Variants in POC1B observed in about 807,000 individuals in gnomAD.
The protein encoded by POC1B is POC1 centriolar protein B, also known as POC1 centriolar protein homolog B.
A neutral mutation model predicts 60.6 loss-of-function variants in POC1B; 44 were observed. The ratio of observed to expected loss-of-function variants is 0.73; its 90% CI spans 0.57 to 0.93. The LOEUF (loss-of-function observed/expected upper bound fraction) is 0.93. Among genes scored for constraint, POC1B ranks in the 40% least tolerant of loss-of-function variants. The pLI is 0.00. For synonymous variants in POC1B, 180 were observed against 198.9 expected, an observed-to-expected ratio of 0.90 and a Z score of 0.80; for missense variants, 555 against 572.3, an observed-to-expected ratio of 0.97 and a Z score of 0.31.
rs192512807 is a variant in POC1B, at chr12:89,523,964, C to G, written c.100+1156G>C. On this transcript the variant is annotated intron_variant, in intron 2 of 11. Coordinates refer to ENST00000313546, the MANE Select transcript of POC1B (RefSeq NM_172240.3). Reference sequence around the variant, plus strand: ...CGCTTATTGGTCCTAATCAAGCGTACTCTATCAAGATTGCTGATGTAAGTT... The same window carrying G: ...CGCTTATTGGTCCTAATCAAGCGTAGTCTATCAAGATTGCTGATGTAAGTT... 2.8e-5 allele frequency: 45 copies of G among 1,613,860 alleles called. 1 individual carries two copies. In the African/African-American group the frequency reaches 5.6e-4, roughly 20 times the overall value.
chr12:89,493,443 TC>T (rs1869085590), intron 3 of POC1B, among the ~76,000 whole-genome samples: 2 of 152,224 alleles, frequency 1.3e-5, no homozygotes, highest in African/African-American at 2.4e-5. Flanking sequence ...GGCTTACCCT[TC>T]CAGTGGTCTG....
chr12:89,465,334 T>C (rs1030732363), intron 9 of POC1B, among the ~76,000 whole-genome samples: 1 of 152,108 alleles, frequency 6.6e-6, no homozygotes, highest in Non-Finnish European at 1.5e-5. Context: ...TGTGGAGTCA[T>C]GGAAATAGCA....
chr12:89,434,985 T>C (rs1881193102), intron 10 of POC1B, among the ~76,000 whole-genome samples: 1 of 152,214 alleles, frequency 6.6e-6, no homozygotes, highest in Non-Finnish European at 1.5e-5. Context: ...AGATCTATCA[T>C]CTATTTTAAA....
At chr12:89,502,272 G>C in intron 2 of POC1B, 1 of 1,548,646 alleles carries the variant, frequency 6.5e-7, no homozygotes, top group Non-Finnish European at 8.9e-7. Context: ...TGATACCAAA[G>C]AACAGAATCC....
chr12:89,459,768 C>T (rs746956816), intron 9 of POC1B, 50 bp from the exon 10 acceptor site: 1 of 1,066,032 alleles, frequency 9.4e-7, no homozygotes, highest in Non-Finnish European at 1.3e-6. Context: ...CCATAAGAAA[C>T]CAAATACTAT....
chr12:89,497,249 C>G lies in POC1B; in HGVS notation c.194G>C (p.Ser65Thr), dbSNP rs139145893. The G allele has an allele frequency of 1.3e-5, 21 of 1,613,704 alleles. No homozygotes were observed. In the African/African-American group the frequency reaches 2.5e-4, roughly 19 times the overall value. Residue 65 changes from serine to threonine, a missense_variant, in exon 3 of 12, where the codon AGC becomes ACC. Physicochemically the swap from Ser to Thr is moderately conservative, Grantham distance 58 (BLOSUM62 1). Coordinates refer to ENST00000313546, the MANE Select transcript of POC1B (RefSeq NM_172240.3). ...RYVGHKDVVT[S>T]VQFSPHGNLL... ...GTTTCCATGTGGAGAAAACTGCACG[C>G]TGGTTACAACATCCTTGTGACCCAC...
chr12:89,410,971 C>G, the POC1B span, among the ~76,000 whole-genome samples: 1 of 152,030 alleles, frequency 6.6e-6, no homozygotes, highest in Non-Finnish European at 1.5e-5. Context: ...TCCTATACAC[C>G]AATAATAGAC....
intron 10 of POC1B, among the ~76,000 whole-genome samples, chr12:89,452,132 G>A (rs1034004068): frequency 3.9e-5 from 6 of 152,242 alleles, no homozygotes; most frequent in Admixed American, 3.3e-4. Flanking sequence ...CTGGATGTGT[G>A]GGCTGAGAGC....
rs762745144 is a variant in POC1B, at chr12:89,425,275, C to T, written c.1218G>A (p.Thr406=). 2.0e-5 allele frequency: 33 copies of T among 1,613,948 alleles called. No individual in the cohort carries two copies. Among genetic ancestry groups the T allele is most frequent in the Middle Eastern group, 1.6e-4 (1 of 6,084 alleles). Residue 406 remains threonine (T), a synonymous_variant, in exon 11 of 12, where the codon ACG becomes ACA. Coordinates refer to ENST00000313546, the MANE Select transcript of POC1B (RefSeq NM_172240.3). The part of the protein sequence containing the change: ...LMSPECLPTT[T]KKKTEDMSDL... ...CACTCATGTCTTCTGTTTTCTTTTT[C>T]GTGGTTGTTGGCAAACATTCTGGTG... is the stretch of plus-strand genomic sequence containing the variant.
At chr12:89,503,244 G>C (rs1869685527) in intron 2 of POC1B, among the ~76,000 whole-genome samples, 1 of 151,814 alleles carries the variant, frequency 6.6e-6, no homozygotes, top group Admixed American at 6.5e-5. Context: ...CCTGCCGAGT[G>C]CCTGCGATTG....
At chr12:89,516,051 A>G (rs1870426227) in intron 2 of POC1B, among the ~76,000 whole-genome samples, 1 of 152,176 alleles carries the variant, frequency 6.6e-6, no homozygotes. Flanking sequence ...TATAAATTTG[A>G]TAACTAAGTT....
intron 4 of POC1B, among the ~76,000 whole-genome samples, chr12:89,475,996 T>C (rs1263830974): frequency 1.5e-5 from 2 of 134,862 alleles, no homozygotes; most frequent in African/African-American, 5.6e-5. Flanking sequence ...AGCCTCGACC[T>C]CCAGGGCTCA....
intron 10 of POC1B, among the ~76,000 whole-genome samples, chr12:89,456,612 T>G (rs1882272999): frequency 6.6e-6 from 1 of 152,182 alleles, no homozygotes; most frequent in South Asian, 2.1e-4. Flanking sequence ...TAAAACTATG[T>G]TTATATGGCC....
At chr12:89,415,183 A>G (rs1470058292), downstream of POC1B, among the ~76,000 whole-genome samples, 1 of 152,216 alleles carries the variant, frequency 6.6e-6, no homozygotes, top group African/African-American at 2.4e-5. Flanking sequence ...TTTCTTTTAT[A>G]TAATCATTCT....
intron 3 of POC1B, among the ~76,000 whole-genome samples, chr12:89,494,955 C>CCAGA (rs1869170642): frequency 6.6e-6 from 1 of 152,180 alleles, no homozygotes; most frequent in South Asian, 2.1e-4. Flanking sequence ...AAACAACCAT[C>CCAGA]CAGACAACCC....
intron 2 of POC1B, chr12:89,521,721 C>G: frequency 3.3e-6 from 1 of 303,374 alleles, no homozygotes; most frequent in African/African-American, 2.1e-5. Context: ...CATTCACCCA[C>G]TTACTGAAAG....
chr12:89,433,181 C>T (rs1881111577), intron 10 of POC1B, among the ~76,000 whole-genome samples: 1 of 152,046 alleles, frequency 6.6e-6, no homozygotes. Context: ...TTTTAGAAGA[C>T]TTTTGCTATA....
At chr12:89,451,449 T>C (rs1275008030) in intron 10 of POC1B, among the ~76,000 whole-genome samples, 1 of 152,178 alleles carries the variant, frequency 6.6e-6, no homozygotes, top group Non-Finnish European at 1.5e-5. Context: ...CAAAAGTCAA[T>C]TGAAGTCAAT....
intron 2 of POC1B, among the ~76,000 whole-genome samples, chr12:89,503,195 G>C (rs530250975): frequency 2.0e-5 from 3 of 152,148 alleles, no homozygotes; most frequent in African/African-American, 7.2e-5. Context: ...CTGCCATCTC[G>C]GCTCACTGCA....
Sources: gnomAD v4.1 joint callset for allele counts (sites outside exome capture counted in the v4.1 genomes callset) on GRCh38, gnomAD v4.1.1 for gene constraint, MANE v1.5 for transcripts, NCBI Gene and HGNC (gene_info 2026-07-23, HGNC 2026-07-21) for gene names.